The following PRELID2 variants were observed in gnomAD, a reference collection of about 807,000 sequenced individuals.
PRELID2 encodes PRELI domain containing 2.
PRELID2 carries 25 observed loss-of-function variants against 28.4 expected under a neutral mutation model. The observed-to-expected ratio is 0.88, with a 90% CI of 0.64 to 1.23. The LOEUF is 1.23. Among genes scored for constraint, PRELID2 ranks in the 50% most tolerant of loss-of-function variants. PRELID2 has a pLI of 0.00. For synonymous variants in PRELID2, 76 were observed against 71.6 expected, an observed-to-expected ratio of 1.06 and a Z score of -0.31; for missense variants, 201 against 214.4, an observed-to-expected ratio of 0.94 and a Z score of 0.39.
chr5:145,418,055 C>T, the PRELID2 span, among the ~76,000 whole-genome samples: 284 of 152,168 alleles, frequency 1.9e-3, 5 homozygotes, highest in East Asian at 0.041. Context: ...AGTCTCAGGA[C>T]ATAAAGTCAA....
chr5:145,497,695 T>C (rs1190166293), intron 1 of PRELID2, among the ~76,000 whole-genome samples: 1 of 152,208 alleles, frequency 6.6e-6, no homozygotes, highest in African/African-American at 2.4e-5. Context: ...GAGATTTCCA[T>C]GTTTCCAATC....
chr5:145,358,405 TG>T, the PRELID2 span, among the ~76,000 whole-genome samples: 1 of 151,870 alleles, frequency 6.6e-6, no homozygotes, highest in Non-Finnish European at 1.5e-5. Flanking sequence ...CTGCCAGCAG[TG>T]GGGGTGGCTG....
the PRELID2 span, among the ~76,000 whole-genome samples, chr5:145,248,004 C>A: frequency 6.6e-6 from 1 of 152,062 alleles, no homozygotes; most frequent in African/African-American, 2.4e-5. Context: ...TAGCTAGAGT[C>A]ACAGGCGTCC....
the PRELID2 span, among the ~76,000 whole-genome samples, chr5:145,340,356 C>T: frequency 6.6e-6 from 1 of 152,158 alleles, no homozygotes; most frequent in Non-Finnish European, 1.5e-5. Flanking sequence ...GTTGCTCCAA[C>T]AGTCCCACTG....
chr5:145,819,281 A>G (rs776848237), intron 3 of PRELID2: 26 of 808,862 alleles, frequency 3.2e-5, no homozygotes, highest in Non-Finnish European at 5.2e-5. Context: ...TAAAGGGCAT[A>G]TCCAGATGCT....
At chr5:145,319,927 C>T in the PRELID2 span, among the ~76,000 whole-genome samples, 41 of 152,028 alleles carry the variant, frequency 2.7e-4, 1 homozygote, top group Admixed American at 9.8e-4. Context: ...TATACCACTG[C>T]CTTTTGTCAA....
intron 1 of PRELID2, among the ~76,000 whole-genome samples, chr5:145,639,600 C>G (rs890481727): frequency 2.0e-5 from 3 of 152,152 alleles, no homozygotes; most frequent in Admixed American, 2.0e-4. Context: ...ATTACAGCCC[C>G]AAGATTCTTT....
At chr5:145,526,713 T>C (rs1277591295) in intron 1 of PRELID2, among the ~76,000 whole-genome samples, 1 of 151,816 alleles carries the variant, frequency 6.6e-6, no homozygotes, top group East Asian at 1.9e-4. Context: ...AAACAGCAAG[T>C]AGTATTCAGC....
chr5:145,284,964 G>T, the PRELID2 span, among the ~76,000 whole-genome samples: 5 of 152,170 alleles, frequency 3.3e-5, no homozygotes, highest in Non-Finnish European at 5.9e-5. Flanking sequence ...AACTTACTAT[G>T]TGCCAGGCAC....
intron 1 of PRELID2, among the ~76,000 whole-genome samples, chr5:145,589,428 A>C (rs1454250739): frequency 1.3e-5 from 2 of 152,160 alleles, no homozygotes; most frequent in Non-Finnish European, 2.9e-5. Context: ...CTATCTGAAC[A>C]TGTCCATACC....
At chr5:145,265,058 A>G in the PRELID2 span, among the ~76,000 whole-genome samples, 1 of 151,836 alleles carries the variant, frequency 6.6e-6, no homozygotes, top group Non-Finnish European at 1.5e-5. Context: ...AGAAAACTCT[A>G]AAGACTCATT....
the PRELID2 span, among the ~76,000 whole-genome samples, chr5:145,364,849 T>C: frequency 6.6e-6 from 1 of 151,902 alleles, no homozygotes; most frequent in Non-Finnish European, 1.5e-5. Context: ...TGCAGCCCAC[T>C]CAAACTCAAA....
chr5:145,281,764 G>C, the PRELID2 span, among the ~76,000 whole-genome samples: 2 of 152,154 alleles, frequency 1.3e-5, no homozygotes, highest in Non-Finnish European at 2.9e-5. Context: ...GAAAGAGTAC[G>C]ATCAATACAG....
chr5:145,454,092 G>T, the PRELID2 span, among the ~76,000 whole-genome samples: 1 of 152,044 alleles, frequency 6.6e-6, no homozygotes, highest in Non-Finnish European at 1.5e-5. Context: ...CTGTGTAAAA[G>T]TGTTCCTATT....
At chr5:145,676,386 A>C (rs1394042059) in intron 1 of PRELID2, among the ~76,000 whole-genome samples, 3 of 152,098 alleles carry the variant, frequency 2.0e-5, no homozygotes. Flanking sequence ...AAAAATACAA[A>C]AAATTATCAA....
the PRELID2 span, among the ~76,000 whole-genome samples, chr5:145,379,507 C>T: frequency 2.6e-5 from 4 of 152,096 alleles, no homozygotes; most frequent in African/African-American, 4.8e-5. Flanking sequence ...GCCCAGCAAG[C>T]AAGAGTGGTC....
the PRELID2 span, among the ~76,000 whole-genome samples, chr5:145,361,709 A>T: frequency 1.3e-5 from 2 of 152,172 alleles, no homozygotes; most frequent in Admixed American, 6.6e-5. Context: ...AAAACATCCC[A>T]CAAGGCTCCT....
At chr5:145,694,204 A>T (rs992009220) in intron 1 of PRELID2, among the ~76,000 whole-genome samples, 1 of 152,256 alleles carries the variant, frequency 6.6e-6, no homozygotes, top group East Asian at 1.9e-4. Context: ...GGTTCTTGTT[A>T]ACATTTACAG....
rs141891298 is a variant in PRELID2 at position 145,567,177 on chromosome 5, A to C, written n.71-93862T>G. Among the ~76,000 whole-genome samples, 210 of 152,330 alleles carry C rather than the reference A, an allele frequency of 1.4e-3. 2 individuals are homozygous for C. The highest frequency in any genetic ancestry group is 4.9e-3 in the African/African-American group (205 of 41,578). On this transcript the variant is annotated intron_variant and non_coding_transcript_variant, in intron 1 of 2. Transcript: ENST00000510259. ...AGAGATAAATGCAGGAGTGAAGCCA[A>C]GAAAGATTAAAATATTAGCTTTATT... is the stretch of plus-strand genomic sequence containing the variant.
Sources: gnomAD v4.1 joint callset for allele counts (sites outside exome capture counted in the v4.1 genomes callset) on GRCh38, gnomAD v4.1.1 for gene constraint, MANE v1.5 for transcripts, NCBI Gene and HGNC (gene_info 2026-07-23, HGNC 2026-07-21) for gene names.